Variants in CCR3 observed in about 807,000 individuals in gnomAD.
CCR3 encodes the protein C-C chemokine receptor type 3.
For missense variants in CCR3, 419 were observed against 437.5 expected, an observed-to-expected ratio of 0.96 and a Z score of 0.38; for synonymous variants, 203 against 179.2, an observed-to-expected ratio of 1.13 and a Z score of -1.06.
At chr3:46,212,971 C>T (rs1699734592) in intron 2 of CCR3, among the ~76,000 whole-genome samples, 1 of 152,126 alleles carries the variant, frequency 6.6e-6, no homozygotes, top group Non-Finnish European at 1.5e-5. Flanking sequence ...GTACTTTTGA[C>T]AGCAAATAAC....
chr3:46,214,840 G>A (rs1186810450), intron 2 of CCR3, among the ~76,000 whole-genome samples: 2 of 152,102 alleles, frequency 1.3e-5, no homozygotes, highest in African/African-American at 2.4e-5. Flanking sequence ...AGCAGACACT[G>A]GGGGGCAGGA....
At chr3:46,241,905 C>T (rs1021334195), upstream of CCR3, among the ~76,000 whole-genome samples, 8 of 151,956 alleles carry the variant, frequency 5.3e-5, no homozygotes, top group Non-Finnish European at 1.2e-4. Context: ...GGCCGAGACT[C>T]GCAGATCACT....
intron 2 of CCR3, among the ~76,000 whole-genome samples, chr3:46,237,421 G>C (rs1485488375): frequency 6.6e-6 from 1 of 152,154 alleles, no homozygotes; most frequent in Non-Finnish European, 1.5e-5. Context: ...CCTTTGCTGT[G>C]CAGAAGCTTT....
Position 46,242,514 on chromosome 3 carries a change from G to T in CCR3, c.-36G>T, listed in dbSNP as rs1700100777. On this transcript the variant is annotated 5_prime_UTR_variant, in exon 1 of 2. Coordinates refer to ENST00000395940, the MANE Select transcript of CCR3 (RefSeq NM_178329.3). ...AAGAACTTATCGAAATACAATAGAA[G>T]TTTTTACTTAGAAGAGATTTTCAGG... 1 of 151,984 alleles carries T rather than the reference G, an allele frequency of 6.6e-6. No homozygotes were observed. The highest frequency in any genetic ancestry group is 6.6e-5 in the Admixed American group (1 of 15,234). 9.4% of individuals were successfully genotyped at this position (151,984 alleles called of 1,614,324 possible).
At chr3:46,228,917 G>A (rs1699932404) in intron 2 of CCR3, among the ~76,000 whole-genome samples, 1 of 152,210 alleles carries the variant, frequency 6.6e-6, no homozygotes, top group Non-Finnish European at 1.5e-5. Context: ...CCATGTGTGT[G>A]TCATTTGGTT....
intron 1 of CCR3, chr3:46,264,514 C>G (rs1700581995): frequency 2.9e-6 from 3 of 1,048,656 alleles, no homozygotes; most frequent in Non-Finnish European, 4.2e-6. Context: ...AATCTAGTGA[C>G]AGGAGAAATG....
intron 2 of CCR3, among the ~76,000 whole-genome samples, chr3:46,212,713 C>T (rs1281727690): frequency 6.6e-6 from 1 of 152,150 alleles, no homozygotes; most frequent in Non-Finnish European, 1.5e-5. Context: ...CCCCCTCTCT[C>T]CCTACTCTCT....
At chr3:46,230,956 G>A (rs529667733) in intron 2 of CCR3, among the ~76,000 whole-genome samples, 5 of 152,180 alleles carry the variant, frequency 3.3e-5, no homozygotes, top group African/African-American at 7.2e-5. Context: ...AAGGTGTCTC[G>A]CTCTGTCGTC....
chr3:46,228,573 T>C (rs1699929087), intron 2 of CCR3, among the ~76,000 whole-genome samples: 1 of 152,244 alleles, frequency 6.6e-6, no homozygotes, highest in African/African-American at 2.4e-5. Flanking sequence ...CCAGACTTAT[T>C]TTGAAATCTG....
At chr3:46,236,938 G>C (rs1366834003) in intron 2 of CCR3, among the ~76,000 whole-genome samples, 1 of 152,194 alleles carries the variant, frequency 6.6e-6, no homozygotes, top group Non-Finnish European at 1.5e-5. Context: ...GGAGGCAGCT[G>C]CCTCTCAGTC....
At chr3:46,242,184 C>T (rs111838969), upstream of CCR3, among the ~76,000 whole-genome samples, 38 of 151,692 alleles carry the variant, frequency 2.5e-4, no homozygotes, top group African/African-American at 8.2e-4. Context: ...ATGAGCAATG[C>T]CAATGGGTGG....
At chr3:46,240,265 TATA>T (rs1700066098), upstream of CCR3, among the ~76,000 whole-genome samples, 1 of 152,196 alleles carries the variant, frequency 6.6e-6, no homozygotes, top group African/African-American at 2.4e-5. Flanking sequence ...AACAGATGTA[TATA>T]ATGTGTTACA....
chr3:46,241,693 C>T (rs910748403), upstream of CCR3, among the ~76,000 whole-genome samples: 2 of 152,132 alleles, frequency 1.3e-5, no homozygotes, highest in East Asian at 1.9e-4. Flanking sequence ...GCTGTGTATG[C>T]CACAACTGAA....
At chr3:46,262,192 T>C (rs185929757) in intron 1 of CCR3, among the ~76,000 whole-genome samples, 27 of 152,330 alleles carry the variant, frequency 1.8e-4, no homozygotes, top group Non-Finnish European at 3.2e-4. Flanking sequence ...AAATCATTGT[T>C]CAAATGAATG....
At chr3:46,243,503 G>A (rs2125927628) in intron 1 of CCR3, among the ~76,000 whole-genome samples, 1 of 152,002 alleles carries the variant, frequency 6.6e-6, no homozygotes, top group Middle Eastern at 3.4e-3. Context: ...TTTTTTCTGG[G>A]TGAATGAGAT....
At chr3:46,237,645 G>A (rs1288817874), upstream of CCR3, among the ~76,000 whole-genome samples, 2 of 152,142 alleles carry the variant, frequency 1.3e-5, no homozygotes. Context: ...TTCTGCATGT[G>A]GCTATTCAGT....
At chr3:46,262,172 G>A (rs996711786) in intron 1 of CCR3, among the ~76,000 whole-genome samples, 1 of 152,222 alleles carries the variant, frequency 6.6e-6, no homozygotes, top group Non-Finnish European at 1.5e-5. Context: ...AAGAGGATGA[G>A]TAAAACCTAA....
intron 1 of CCR3, chr3:46,263,319 T>C (rs1251929604): frequency 1.3e-5 from 2 of 154,300 alleles, no homozygotes; most frequent in South Asian, 4.1e-4. Flanking sequence ...TTTCTTGCTT[T>C]AGATGCTGAA....
upstream of CCR3, among the ~76,000 whole-genome samples, chr3:46,238,325 A>G (rs1700043405): frequency 6.6e-6 from 1 of 151,972 alleles, no homozygotes; most frequent in Admixed American, 6.6e-5. Context: ...ACATTTTCCT[A>G]ATGACTAACA....
Sources: gnomAD v4.1 joint callset for allele counts (sites outside exome capture counted in the v4.1 genomes callset) on GRCh38, gnomAD v4.1.1 for gene constraint, MANE v1.5 for transcripts, NCBI Gene and HGNC (gene_info 2026-07-23, HGNC 2026-07-21) for gene names.